Variants in NRXN3 observed in about 807,000 individuals in gnomAD.
The protein encoded by NRXN3 is neurexin 3, also known as neurexin III.
NRXN3 carries 32 observed loss-of-function variants against 137.6 expected under a neutral mutation model. That is an observed-to-expected ratio of 0.23 (90% CI 0.18 to 0.31). The LOEUF (loss-of-function observed/expected upper bound fraction) is 0.31, where lower values mean the gene tolerates loss of function less well. Among genes scored for constraint, NRXN3 ranks in the 10% least tolerant of loss-of-function variants. The pLI is 1.00. For synonymous variants in NRXN3, 798 were observed against 784.5 expected (o/e 1.02, Z -0.29); for missense variants, 1,574 against 2,062.5 (o/e 0.76, Z 4.59).
At chr14:79,129,725 G>T (rs2057144449) in intron 15 of NRXN3, among the ~76,000 whole-genome samples, 1 of 105,698 alleles carries the variant, frequency 9.5e-6, no homozygotes, top group Non-Finnish European at 2.1e-5. Context: ...TCAATTCCTG[G>T]GTATCCTTGT....
intron 15 of NRXN3, chr14:79,280,021 G>A (rs2081000164): frequency 8.0e-7 from 1 of 1,246,278 alleles, no homozygotes; most frequent in Non-Finnish European, 1.0e-6. Flanking sequence ...GGCTCCGTAG[G>A]AGGTTTGCTA....
intron 2 of NRXN3, among the ~76,000 whole-genome samples, chr14:78,270,247 A>G (rs1240373643): frequency 6.6e-6 from 1 of 152,150 alleles, no homozygotes; most frequent in East Asian, 1.9e-4. Context: ...CAACATAGGA[A>G]TTGACAGATT....
At chr14:79,464,869 C>T (rs980683725) in intron 15 of NRXN3, among the ~76,000 whole-genome samples, 1 of 152,118 alleles carries the variant, frequency 6.6e-6, no homozygotes, top group African/African-American at 2.4e-5. Flanking sequence ...ATATCCCATA[C>T]AATTGTTGCA....
intron 16 of NRXN3, among the ~76,000 whole-genome samples, chr14:79,633,742 G>A (rs1003603441): frequency 1.3e-5 from 2 of 152,152 alleles, no homozygotes; most frequent in Non-Finnish European, 2.9e-5. Flanking sequence ...GCAAAAGATG[G>A]GTGGTAACAG....
chr14:79,069,111 C>T (rs1415650330), intron 15 of NRXN3, among the ~76,000 whole-genome samples: 1 of 151,890 alleles, frequency 6.6e-6, no homozygotes, highest in Admixed American at 6.6e-5. Flanking sequence ...GTTCCTTTGG[C>T]GACAGCACTG....
At chr14:79,844,524 A>G (rs1404127971) in intron 20 of NRXN3, among the ~76,000 whole-genome samples, 1 of 151,974 alleles carries the variant, frequency 6.6e-6, no homozygotes, top group Non-Finnish European at 1.5e-5. Context: ...AGGCACGAAA[A>G]CAATGTTAGT....
At chr14:78,318,654 T>C (rs1315873316) in intron 4 of NRXN3, among the ~76,000 whole-genome samples, 3 of 152,162 alleles carry the variant, frequency 2.0e-5, no homozygotes, top group Admixed American at 6.5e-5. Context: ...CTGCGGGTGT[T>C]AGCTCTACCT....
intron 15 of NRXN3, among the ~76,000 whole-genome samples, chr14:79,421,767 T>C (rs2095578654): frequency 6.6e-6 from 1 of 152,198 alleles, no homozygotes; most frequent in East Asian, 1.9e-4. Context: ...CTTGCCCCAA[T>C]GCCACCTTTA....
intron 10 of NRXN3, among the ~76,000 whole-genome samples, chr14:78,942,025 C>T (rs2099354019): frequency 6.6e-6 from 1 of 152,110 alleles, no homozygotes; most frequent in South Asian, 2.1e-4. Context: ...GTGTGCTAGC[C>T]ACAGTAGACC....
chr14:79,237,628 T>C (rs548285230), intron 15 of NRXN3, among the ~76,000 whole-genome samples: 5 of 152,248 alleles, frequency 3.3e-5, no homozygotes, highest in East Asian at 3.9e-4. Context: ...AATGCTCTTT[T>C]TTCATATATC....
At chr14:78,810,035 ATGTT>A (rs979348870) in intron 9 of NRXN3, among the ~76,000 whole-genome samples, 4 of 144,482 alleles carry the variant, frequency 2.8e-5, no homozygotes, top group African/African-American at 7.6e-5. Flanking sequence ...AAAAAAAAAA[ATGTT>A]TGGTGTCTAC....
chr14:78,665,733 T>G (rs961663845), intron 6 of NRXN3, among the ~76,000 whole-genome samples: 3 of 152,046 alleles, frequency 2.0e-5, no homozygotes, highest in African/African-American at 7.2e-5. Context: ...AAAAAGGACC[T>G]AAAGCAAGGA....
At chr14:79,529,046 C>T (rs955113394) in intron 16 of NRXN3, among the ~76,000 whole-genome samples, 2 of 152,076 alleles carry the variant, frequency 1.3e-5, no homozygotes, top group East Asian at 1.9e-4. Flanking sequence ...TGTAGCAGGA[C>T]GAGCCGCAGA....
Position 79,360,506 on chromosome 14 carries a change from A to G in NRXN3, c.3263-106715A>G, listed in dbSNP as rs544345119. Among the ~76,000 whole-genome samples the G allele has an allele frequency of 7.2e-4, 110 of 152,320 alleles. 1 individual carries two copies. Among genetic ancestry groups the G allele is most frequent in the African/African-American group, 2.4e-3 (100 of 41,562 alleles). ...TTTATTAAGCATCTACTATGTGCCA[A>G]TGTTAAAGAGGTGAAAGTGTAACCT... On this transcript the variant is annotated intron_variant, in intron 15 of 20. Transcript: ENST00000335750.
intron 3 of NRXN3, 78 bp downstream of exon 3, chr14:78,278,740 CT>C: frequency 2.5e-6 from 3 of 1,220,236 alleles, no homozygotes; most frequent in Non-Finnish European, 3.5e-6. Flanking sequence ...CTGAGTGAGA[CT>C]TTTATAGAGA....
intron 1 of NRXN3, among the ~76,000 whole-genome samples, chr14:78,227,497 G>A (rs2064829173): frequency 6.6e-6 from 1 of 152,210 alleles, no homozygotes; most frequent in Non-Finnish European, 1.5e-5. Flanking sequence ...TGTTACATAT[G>A]ATGGTTTCTG....
chr14:79,538,546 T>A (rs558445127), intron 16 of NRXN3, among the ~76,000 whole-genome samples: 2 of 152,330 alleles, frequency 1.3e-5, no homozygotes, highest in South Asian at 4.1e-4. Flanking sequence ...CAGCACCATT[T>A]ATTAAATAGG....
At chr14:78,509,512 G>C (rs2096062992) in intron 4 of NRXN3, among the ~76,000 whole-genome samples, 1 of 152,066 alleles carries the variant, frequency 6.6e-6, no homozygotes, top group South Asian at 2.1e-4. Context: ...CCACACAATG[G>C]AACTCTGCGA....
At chr14:78,971,441 T>TATATAC (rs71131669) in intron 14 of NRXN3, among the ~76,000 whole-genome samples, 11,214 of 142,342 alleles carry the variant, frequency 0.079, 596 homozygotes, top group Non-Finnish European at 0.11. Flanking sequence ...TATATATATA[T>TATATAC]ACACACACAC....
Sources: allele counts gnomAD v4.1 joint callset (sites outside exome capture counted in the v4.1 genomes callset), GRCh38; gene constraint gnomAD v4.1.1; transcripts MANE v1.5; gene names NCBI Gene and HGNC (gene_info 2026-07-23, HGNC 2026-07-21).